Variants in RCAN1 observed in about 807,000 individuals in gnomAD.
RCAN1 encodes the protein calcipressin-1.
Under a neutral mutation model 22.9 loss-of-function variants are expected in RCAN1, and 11 were observed. The ratio of observed to expected loss-of-function variants is 0.48; its 90% CI spans 0.30 to 0.79. The LOEUF is 0.79. RCAN1 is among the 30% of genes least tolerant of loss of function. RCAN1 has a pLI of 0.06. For missense variants in RCAN1, 291 were observed against 337.8 expected (o/e 0.86, Z 1.09); for synonymous variants, 136 against 142.3 (o/e 0.96, Z 0.32).
At chr21:34,605,498 AAG>A (rs1395693495) in intron 1 of RCAN1, among the ~76,000 whole-genome samples, 2 of 152,248 alleles carry the variant, frequency 1.3e-5, no homozygotes, top group Non-Finnish European at 2.9e-5. Flanking sequence ...TGAAAGAATG[AAG>A]AGTCGTAACT....
In RCAN1 at chr21:34,614,740, C is replaced by A. The variant is rs778496731; in HGVS notation, c.252+20G>T. 7.1e-7 allele frequency: 1 copy of A among 1,411,276 alleles called. No individual in the cohort carries two copies. Among genetic ancestry groups the A allele is most frequent in the Non-Finnish European group, 9.3e-7 (1 of 1,076,616 alleles). The allele number at this position is 1,411,276 out of a possible 1,614,324, so 87.4% of individuals were successfully genotyped here. A position where few individuals can be genotyped will look rare whatever the true frequency, so the allele number is the denominator to read the frequency against. On this transcript the variant is annotated intron_variant, in intron 1 of 3. Transcript: ENST00000313806. This position sits in a 1 kb window ranked among gnomAD's most constrained non-coding sequence, Gnocchi z 6.0. ...AGTGTCCGCCCTCCGCCCCGACGGC[C>A]CGCCCGGCGCGGTCCTCACCCGGCA... is the stretch of plus-strand genomic sequence containing the variant.
chr21:34,554,160 T>C (rs1986470045), intron 1 of RCAN1, among the ~76,000 whole-genome samples: 1 of 152,250 alleles, frequency 6.6e-6, no homozygotes, highest in African/African-American at 2.4e-5. Context: ...TTGCTTCTCA[T>C]ACTCATCTTC....
chr21:34,565,294 G>A (rs529901211), intron 1 of RCAN1, among the ~76,000 whole-genome samples: 13 of 152,144 alleles, frequency 8.5e-5, no homozygotes, highest in African/African-American at 1.4e-4. Flanking sequence ...ATGTTTATCC[G>A]TTGGCAACAG....
intron 1 of RCAN1, among the ~76,000 whole-genome samples, chr21:34,539,401 G>A (rs1231924866): frequency 6.6e-6 from 1 of 152,140 alleles, no homozygotes; most frequent in Non-Finnish European, 1.5e-5. Flanking sequence ...GAAAAAACCA[G>A]GTTACAAAGC....
chr21:34,585,775 A>G (rs1001264560), intron 1 of RCAN1, among the ~76,000 whole-genome samples: 20 of 151,446 alleles, frequency 1.3e-4, no homozygotes, highest in African/African-American at 4.4e-4. Context: ...CATAATTCAA[A>G]GGAAGATAAG....
At position 34,517,253 on chromosome 21, in the gene RCAN1, A is replaced by C. The variant is rs747608432; in HGVS notation, c.*831T>G. 1 of 152,230 alleles carries C rather than the reference A, an allele frequency of 6.6e-6. No individual in the cohort carries two copies. The allele number at this position is 152,230 out of a possible 1,614,324, so 9.4% of individuals were successfully genotyped here. A position where few individuals can be genotyped will look rare whatever the true frequency, so the allele number is the denominator to read the frequency against. On this transcript the variant is annotated 3_prime_UTR_variant, in exon 4 of 4. Coordinates refer to ENST00000313806, the MANE Select transcript of RCAN1 (RefSeq NM_004414.7). ...ACTGAGGTCCGATCCCAAACACCTA[A>C]ACTAAAATTTCTCACCCACTAAAAG...
At chr21:34,579,891 CAGA>C (rs1987543192) in intron 1 of RCAN1, among the ~76,000 whole-genome samples, 1 of 152,122 alleles carries the variant, frequency 6.6e-6, no homozygotes, top group Non-Finnish European at 1.5e-5. Context: ...TGACCTTGAG[CAGA>C]AGAATATTTT....
chr21:34,600,466 TAGGA>T (rs971731129), intron 1 of RCAN1, among the ~76,000 whole-genome samples: 1 of 151,756 alleles, frequency 6.6e-6, no homozygotes, highest in African/African-American at 2.4e-5. Context: ...AAAGGCATTC[TAGGA>T]ACCAGAGAGA....
Position 34,593,168 on chromosome 21 carries a change from A to G in RCAN1, c.252+21592T>C, listed in dbSNP as rs111457743. The stretch of plus-strand genomic sequence containing the variant: ...CCCAATCTTGCTTTAGTTATGGAGA[A>G]GCTCATTATAAAATAGTCTTACAGG... On this transcript the variant is annotated intron_variant, in intron 1 of 3. Transcript: ENST00000313806. Among the ~76,000 whole-genome samples, 16 of 152,352 alleles carry G rather than the reference A, an allele frequency of 1.1e-4. 1 individual carries two copies. Among genetic ancestry groups the G allele is most frequent in the African/African-American group, 3.8e-4 (16 of 41,586 alleles).
At chr21:34,613,213 C>T (rs1988728619) in intron 1 of RCAN1, among the ~76,000 whole-genome samples, 1 of 151,974 alleles carries the variant, frequency 6.6e-6, no homozygotes, top group Admixed American at 6.6e-5. Flanking sequence ...AAATAGCAAT[C>T]TCCCCTCCAC....
At chr21:34,565,726 T>G (rs8130808) in intron 1 of RCAN1, among the ~76,000 whole-genome samples, 102,834 of 152,100 alleles carry the variant, frequency 0.68, 35,826 homozygotes, top group African/African-American at 0.84. Context: ...CATTTTAAAA[T>G]GCAGTATTAG....
chr21:34,597,668 A>G (rs1568929460), intron 1 of RCAN1, among the ~76,000 whole-genome samples: 1 of 152,254 alleles, frequency 6.6e-6, no homozygotes, highest in Non-Finnish European at 1.5e-5. Flanking sequence ...GCGTGTTTCC[A>G]TAAGATGAGA....
intron 1 of RCAN1, among the ~76,000 whole-genome samples, chr21:34,605,523 T>C (rs1423009054): frequency 6.6e-6 from 1 of 152,226 alleles, no homozygotes; most frequent in East Asian, 1.9e-4. Context: ...TGTGAATCTC[T>C]GTTTCCCGTA....
intron 1 of RCAN1, among the ~76,000 whole-genome samples, chr21:34,563,754 C>CAAAAAAAAAAAAAA (rs58299654): frequency 2.3e-5 from 1 of 44,316 alleles, no homozygotes; most frequent in Admixed American, 3.6e-4. Context: ...CTAAAAATAC[C>CAAAAAAAAAAAAAA]AAAAAAAAAA....
rs1328112789 is a variant in RCAN1 at position 34,517,740 on chromosome 21, G to C, written c.*344C>G. Reference sequence around the variant, plus strand: ...TTAGAAACAGGAAGCTCTCTCCTGAGCTCACTGATCAACCTGCCCTTGGCA... The same window carrying C: ...TTAGAAACAGGAAGCTCTCTCCTGACCTCACTGATCAACCTGCCCTTGGCA... On this transcript the variant is annotated 3_prime_UTR_variant, in exon 4 of 4. Coordinates refer to ENST00000313806, the MANE Select transcript of RCAN1 (RefSeq NM_004414.7). 1 of 237,812 alleles carries C rather than the reference G, an allele frequency of 4.2e-6. No individual in the cohort carries two copies. The highest frequency in any genetic ancestry group is 8.2e-6 in the Non-Finnish European group (1 of 122,476). The allele number at this position is 237,812 out of a possible 1,614,324, so 14.7% of individuals were successfully genotyped here.
chr21:34,589,808 C>T (rs967986068), intron 1 of RCAN1, among the ~76,000 whole-genome samples: 9 of 152,142 alleles, frequency 5.9e-5, no homozygotes, highest in East Asian at 1.9e-4. Context: ...CACCAGCTGC[C>T]GTGGTTCTCA....
intron 1 of RCAN1, among the ~76,000 whole-genome samples, chr21:34,577,554 A>G (rs1046461622): frequency 2.6e-5 from 4 of 152,174 alleles, no homozygotes; most frequent in Non-Finnish European, 4.4e-5. Flanking sequence ...AGCTGTGATC[A>G]TGCCACTGCA....
chr21:34,527,053 G>GA (rs1568886430), intron 1 of RCAN1: 19 of 967,606 alleles, frequency 2.0e-5, no homozygotes, highest in Non-Finnish European at 2.3e-5. Context: ...GGGGAGAATG[G>GA]AAAAAACAGC....
chr21:34,575,108 C>T (rs923802453), intron 1 of RCAN1, among the ~76,000 whole-genome samples: 1 of 152,166 alleles, frequency 6.6e-6, no homozygotes, highest in Non-Finnish European at 1.5e-5. Flanking sequence ...CAAATGTTTG[C>T]GAACAGCACC....
Sources: gnomAD v4.1 joint callset for allele counts (sites outside exome capture counted in the v4.1 genomes callset) on GRCh38, gnomAD v4.1.1 for gene constraint, Gnocchi (gnomAD v3.1) non-coding constraint, MANE v1.5 for transcripts, NCBI Gene and HGNC (gene_info 2026-07-23, HGNC 2026-07-21) for gene names.